Variants in ARL17B observed in about 807,000 individuals in gnomAD.
ARL17B encodes ADP-ribosylation factor-like protein 17.
intron 3 of ARL17B, among the ~76,000 whole-genome samples, chr17:46,316,187 G>A (rs1440532947): frequency 6.2e-5 from 1 of 16,230 alleles, no homozygotes; most frequent in African/African-American, 1.6e-4. Context: ...GCCTCCCAAA[G>A]TGCTGGGATT....
chr17:46,314,730 G>A (rs2050977134), intron 3 of ARL17B, among the ~76,000 whole-genome samples: 2 of 79,714 alleles, frequency 2.5e-5, no homozygotes, highest in African/African-American at 6.4e-5. Context: ...AGAATACTCC[G>A]TTGAATTTGG....
rs2050626140 is a variant in ARL17B at position 46,307,961 on chromosome 17, G to A, written c.260-8296C>T. Reference sequence around the variant, plus strand: ...CAGGAGGCGGAGGTTGCAGTGAGCCGAGATGGCACCATTGCACTCCAGCCT... The same window carrying A: ...CAGGAGGCGGAGGTTGCAGTGAGCCAAGATGGCACCATTGCACTCCAGCCT... On this transcript the variant is annotated intron_variant, in intron 3 of 4. Coordinates refer to the ARL17B transcript ENST00000434041. Among the ~76,000 whole-genome samples, 2 of 74,670 alleles carry A rather than the reference G, an allele frequency of 2.7e-5. 1 individual carries two copies. The highest frequency in any genetic ancestry group is 8.0e-5 in the Non-Finnish European group (2 of 25,046). The allele number at this position is 74,670 out of a possible 152,430, so 49.0% of individuals were successfully genotyped here. A position where few individuals can be genotyped will look rare whatever the true frequency, so the allele number is the denominator to read the frequency against.
rs2049551384 is a variant in ARL17B, at chr17:46,275,098, G to A, written c.*342C>T. The A allele has an allele frequency of 1.9e-5, 4 of 213,256 alleles. No homozygotes were observed. In the South Asian group the frequency reaches 2.5e-4, roughly 13 times the overall value. The allele number at this position is 213,256 out of a possible 1,614,324, so 13.2% of individuals were successfully genotyped here. On this transcript the variant is annotated 3_prime_UTR_variant, in exon 5 of 5. Coordinates refer to the ARL17B transcript ENST00000570618. ...GTAGAGACGGGGTTTCTCCATATTG[G>A]TCAGGCTGGTCTCGAACTCCCGACC...
intron 3 of ARL17B, among the ~76,000 whole-genome samples, chr17:46,312,715 CAA>C (rs1402212365): frequency 1.4e-5 from 1 of 70,960 alleles, no homozygotes; most frequent in African/African-American, 5.7e-5. Flanking sequence ...GTTTTCATGC[CAA>C]AAAAAAATCA....
chr17:46,325,087 G>C (rs1810183), intron 3 of ARL17B, among the ~76,000 whole-genome samples: 56,884 of 68,224 alleles, frequency 0.83, 26,671 homozygotes, highest in South Asian at 1. Flanking sequence ...TTCTTATCTT[G>C]ACCAGGTTGT....
chr17:46,334,899 G>A (rs1241975549), downstream of ARL17B: 2 of 129,786 alleles, frequency 1.5e-5, no homozygotes, highest in Non-Finnish European at 1.7e-5. Context: ...TATAACAACT[G>A]TCAACAATGT....
intron 4 of ARL17B, among the ~76,000 whole-genome samples, chr17:46,289,502 A>T (rs112684303): frequency 0.09 from 12,768 of 141,308 alleles, no homozygotes; most frequent in Middle Eastern, 0.15. Flanking sequence ...CTGACTTAAA[A>T]TTTTTTTAAA....
At chr17:46,314,348 G>A (rs576281739) in intron 3 of ARL17B, among the ~76,000 whole-genome samples, 1,107 of 51,366 alleles carry the variant, frequency 0.022, 224 homozygotes, top group African/African-American at 0.049. Context: ...GAGTCTTATC[G>A]TTTTGGCTCT....
intron 3 of ARL17B, among the ~76,000 whole-genome samples, chr17:46,326,821 T>C (rs1467939545): frequency 8.0e-5 from 4 of 50,080 alleles, no homozygotes; most frequent in Non-Finnish European, 1.9e-4. Context: ...CATGCTATAC[T>C]GCCTAAGATT....
chr17:46,282,184 G>C (rs986187287), intron 4 of ARL17B, among the ~76,000 whole-genome samples: 1 of 123,410 alleles, frequency 8.1e-6, no homozygotes, highest in African/African-American at 2.6e-5. Context: ...CTCACTGCAA[G>C]CTCTGTCTCC....
At chr17:46,286,932 G>C (rs2668672) in intron 4 of ARL17B, among the ~76,000 whole-genome samples, 18,396 of 152,072 alleles carry the variant, frequency 0.12, no homozygotes, top group Non-Finnish European at 0.18. Context: ...CTCCATAATA[G>C]CAGTTAGTAC....
At chr17:46,291,823 GC>G (rs1346833361) in intron 4 of ARL17B, among the ~76,000 whole-genome samples, 3 of 152,018 alleles carry the variant, frequency 2.0e-5, no homozygotes, top group Non-Finnish European at 4.4e-5. Flanking sequence ...AGAGATGGTG[GC>G]ATGGCACGCG....
chr17:46,279,477 C>A (rs1412850032), intron 4 of ARL17B, among the ~76,000 whole-genome samples: 3 of 151,104 alleles, frequency 2.0e-5, no homozygotes, highest in Non-Finnish European at 4.4e-5. Context: ...AGCCACCGCA[C>A]CTGGCCTTTT....
At chr17:46,282,014 C>G (rs1465730072) in intron 4 of ARL17B, among the ~76,000 whole-genome samples, 4 of 151,992 alleles carry the variant, frequency 2.6e-5, no homozygotes, top group Non-Finnish European at 4.4e-5. Context: ...GCTTCCTTGC[C>G]TATATATATA....
intron 4 of ARL17B, among the ~76,000 whole-genome samples, chr17:46,291,664 T>C (rs1223662517): frequency 3.9e-5 from 6 of 152,130 alleles, no homozygotes; most frequent in Admixed American, 2.6e-4. Context: ...CTCATGCCTA[T>C]AATCCCAGCA....
At chr17:46,333,420 T>C (rs1480305342), downstream of ARL17B, among the ~76,000 whole-genome samples, 1 of 43,542 alleles carries the variant, frequency 2.3e-5, no homozygotes, top group African/African-American at 3.5e-5. Context: ...AGCTTGCCTC[T>C]GTCTTTTGTT....
chr17:46,340,145 C>T (rs2052470361), intron 3 of ARL17B, among the ~76,000 whole-genome samples: 2 of 102,164 alleles, frequency 2.0e-5, no homozygotes, highest in African/African-American at 3.1e-5. Flanking sequence ...GAAAACTTAG[C>T]CCTCATTGAA....
intron 4 of ARL17B, among the ~76,000 whole-genome samples, chr17:46,276,296 T>C (rs371438165): frequency 6.6e-6 from 1 of 152,244 alleles, no homozygotes; most frequent in Non-Finnish European, 1.5e-5. Flanking sequence ...AGCAGATAAA[T>C]ACAGTATTCC....
At chr17:46,321,914 C>CAAAAAAA (rs1263117066) in intron 3 of ARL17B, among the ~76,000 whole-genome samples, 1 of 10,980 alleles carries the variant, frequency 9.1e-5, no homozygotes, top group Non-Finnish European at 4.4e-4. Flanking sequence ...GACTCCATCT[C>CAAAAAAA]AAAAAAAAAA....
Sources: allele counts gnomAD v4.1 joint callset (sites outside exome capture counted in the v4.1 genomes callset), GRCh38; gene constraint gnomAD v4.1.1; transcripts MANE v1.5; gene names NCBI Gene and HGNC (gene_info 2026-07-23, HGNC 2026-07-21).